Variants in CCBE1 observed in about 807,000 individuals in gnomAD.
The protein encoded by CCBE1 is collagen and calcium-binding EGF domain-containing protein 1.
In CCBE1, 37 loss-of-function variants were observed where a neutral mutation model predicts 50.0. The ratio of observed to expected loss-of-function variants is 0.74; its 90% CI spans 0.57 to 0.97. The LOEUF (loss-of-function observed/expected upper bound fraction) is 0.97. CCBE1 is among the 50% of genes least tolerant of loss of function. The probability of loss-of-function intolerance (pLI) is 0.00; values close to 1 mark genes in which losing one functional copy is unlikely to be tolerated. For synonymous variants in CCBE1, 234 were observed against 203.7 expected, an observed-to-expected ratio of 1.15 and a Z score of -1.27; for missense variants, 538 against 523.8, an observed-to-expected ratio of 1.03 and a Z score of -0.26.
chr18:59,558,007 G>A (rs1426329655), intron 2 of CCBE1, among the ~76,000 whole-genome samples: 2 of 152,200 alleles, frequency 1.3e-5, no homozygotes, highest in Non-Finnish European at 2.9e-5. Flanking sequence ...TAAGTGTGGG[G>A]AAGAGAAACC....
intron 2 of CCBE1, chr18:59,568,082 G>A (rs927373034): frequency 1.3e-5 from 2 of 151,958 alleles, no homozygotes; most frequent in Non-Finnish European, 1.5e-5. Flanking sequence ...GGCAAGAGTG[G>A]GTTTCTGCAG....
chr18:59,606,192 T>C (rs1480127471), intron 2 of CCBE1, among the ~76,000 whole-genome samples: 2 of 152,242 alleles, frequency 1.3e-5, no homozygotes, highest in Admixed American at 1.3e-4. Context: ...ATCACATTTG[T>C]GTATGTTTTG....
chr18:59,577,076 T>C (rs182703192), intron 2 of CCBE1, among the ~76,000 whole-genome samples: 82 of 152,348 alleles, frequency 5.4e-4, no homozygotes, highest in Admixed American at 5.3e-3. Context: ...AGGGTCCTCA[T>C]GTAAACTTGT....
chr18:59,646,315 G>C (rs901376137), intron 2 of CCBE1, among the ~76,000 whole-genome samples: 2 of 152,338 alleles, frequency 1.3e-5, no homozygotes, highest in African/African-American at 4.8e-5. Context: ...TAGGGACTTA[G>C]GAATGGGAGC....
intron 2 of CCBE1, among the ~76,000 whole-genome samples, chr18:59,620,867 A>C (rs881781): frequency 0.13 from 20,183 of 152,174 alleles, 1,518 homozygotes; most frequent in African/African-American, 0.21. Context: ...AAAATGGACT[A>C]ATACAGGTGC....
intron 2 of CCBE1, among the ~76,000 whole-genome samples, chr18:59,488,971 G>A (rs907224962): frequency 6.6e-6 from 1 of 152,184 alleles, no homozygotes; most frequent in African/African-American, 2.4e-5. Context: ...CACAGGCCTG[G>A]CTTGAAGTGA....
intron 2 of CCBE1, among the ~76,000 whole-genome samples, chr18:59,531,136 A>G (rs1017699419): frequency 6.6e-6 from 1 of 152,130 alleles, no homozygotes; most frequent in Non-Finnish European, 1.5e-5. Flanking sequence ...CAGCATAACA[A>G]TGGATCACAG....
At chr18:59,697,174 G>A in intron 1 of CCBE1, 38 bp downstream of exon 1, 4 of 1,547,320 alleles carry the variant, frequency 2.6e-6, no homozygotes, top group Non-Finnish European at 3.5e-6. Context: ...CGCGCATCAA[G>A]CAGGAGCTCG....
intron 2 of CCBE1, among the ~76,000 whole-genome samples, chr18:59,593,674 G>A (rs539299281): frequency 2.0e-4 from 30 of 152,332 alleles, no homozygotes; most frequent in African/African-American, 7.0e-4. Flanking sequence ...GTTTTGGCTT[G>A]AGTAGTCAAG....
intron 2 of CCBE1, among the ~76,000 whole-genome samples, chr18:59,682,006 G>A (rs2054595320): frequency 6.6e-6 from 1 of 152,200 alleles, no homozygotes. Context: ...GAGGTTCGGC[G>A]AGAGCCAGAG....
intron 2 of CCBE1, among the ~76,000 whole-genome samples, chr18:59,554,408 C>G (rs1916036490): frequency 6.6e-6 from 1 of 152,174 alleles, no homozygotes; most frequent in Non-Finnish European, 1.5e-5. Flanking sequence ...TGCATGCATC[C>G]CATGTTACAC....
chr18:59,492,724 A>G (rs1236524220), intron 2 of CCBE1, among the ~76,000 whole-genome samples: 1 of 152,248 alleles, frequency 6.6e-6, no homozygotes, highest in African/African-American at 2.4e-5. Flanking sequence ...TTTCAATTAC[A>G]GAAGCCCAAT....
chr18:59,693,144 T>C (rs56077456), intron 2 of CCBE1, among the ~76,000 whole-genome samples: 9,384 of 152,190 alleles, frequency 0.062, 931 homozygotes, highest in African/African-American at 0.21. Context: ...TTTTAAATAA[T>C]CATTCCAAAT....
intron 2 of CCBE1, among the ~76,000 whole-genome samples, chr18:59,550,482 A>G (rs1234316431): frequency 6.6e-6 from 1 of 152,058 alleles, no homozygotes; most frequent in Non-Finnish European, 1.5e-5. Flanking sequence ...AGCCTTCACA[A>G]CACCACCCTC....
At chr18:59,697,644 TGACA>T (rs1357865269), upstream of CCBE1, 4 of 370,598 alleles carry the variant, frequency 1.1e-5, no homozygotes, top group African/African-American at 6.5e-5. Flanking sequence ...CACGTCCGAT[TGACA>T]GACTTGCTGG....
chr18:59,576,491 G>A (rs2052998092), intron 2 of CCBE1, among the ~76,000 whole-genome samples: 1 of 152,218 alleles, frequency 6.6e-6, no homozygotes, highest in Non-Finnish European at 1.5e-5. Flanking sequence ...TGGGGACAAT[G>A]CCTAAGACTT....
intron 2 of CCBE1, among the ~76,000 whole-genome samples, chr18:59,654,372 T>C (rs1360340365): frequency 6.6e-6 from 1 of 152,198 alleles, no homozygotes; most frequent in African/African-American, 2.4e-5. Context: ...ATGCCCGTAA[T>C]CCTAGCACTT....
rs559701683 is a variant in CCBE1, at chr18:59,498,515, A to G, written c.213-18277T>C. ...TAACAGCTGAATTTCTATGCATTTTATGGAATTAGTGAATTATTTACTGGT... is the reference window on the plus strand; with the variant it reads ...TAACAGCTGAATTTCTATGCATTTTGTGGAATTAGTGAATTATTTACTGGT... On this transcript the variant is annotated intron_variant, in intron 2 of 10. Coordinates refer to ENST00000439986, the MANE Select transcript of CCBE1 (RefSeq NM_133459.4). Among the ~76,000 whole-genome samples the G allele has an allele frequency of 2.2e-3, 335 of 152,326 alleles. 2 individuals are homozygous for G. Among genetic ancestry groups the G allele is most frequent in the African/African-American group, 7.7e-3 (320 of 41,588 alleles).
At chr18:59,474,171 T>G (rs566230144) in intron 3 of CCBE1, among the ~76,000 whole-genome samples, 2 of 152,318 alleles carry the variant, frequency 1.3e-5, no homozygotes, top group South Asian at 4.1e-4. Flanking sequence ...ATGTCTTTGC[T>G]ATTGTGAATA....
Sources: allele counts gnomAD v4.1 joint callset (sites outside exome capture counted in the v4.1 genomes callset), GRCh38; gene constraint gnomAD v4.1.1; transcripts MANE v1.5; gene names NCBI Gene and HGNC (gene_info 2026-07-23, HGNC 2026-07-21).